ST6GALNAC5: variants seen among roughly 807,000 people sequenced by gnomAD.
ST6GALNAC5 encodes the protein alpha-N-acetylgalactosaminide alpha-2,6-sialyltransferase 5.
A neutral mutation model predicts 33.6 loss-of-function variants in ST6GALNAC5; 27 were observed. That is an observed-to-expected ratio of 0.80 (90% CI 0.59 to 1.11). ST6GALNAC5 has a LOEUF of 1.11. Among genes scored for constraint, ST6GALNAC5 ranks in the 50% least tolerant of loss-of-function variants. ST6GALNAC5 has a pLI of 0.00. For missense variants in ST6GALNAC5, 428 were observed against 454.0 expected, an observed-to-expected ratio of 0.94 and a Z score of 0.52; for synonymous variants, 194 against 171.2, an observed-to-expected ratio of 1.13 and a Z score of -1.04.
At chr1:76,992,905 G>T (rs1398482631) in intron 2 of ST6GALNAC5, among the ~76,000 whole-genome samples, 2 of 152,168 alleles carry the variant, frequency 1.3e-5, no homozygotes, top group Admixed American at 6.6e-5. Context: ...TAGAGACAAA[G>T]TATGTCCACT....
chr1:76,943,541 G>A (rs1647407384), intron 2 of ST6GALNAC5, among the ~76,000 whole-genome samples: 1 of 152,068 alleles, frequency 6.6e-6, no homozygotes, highest in Non-Finnish European at 1.5e-5. Context: ...ACATTTACGT[G>A]AGTTAAGAGT....
chr1:77,039,622 T>G (rs892334816), intron 2 of ST6GALNAC5, among the ~76,000 whole-genome samples: 1 of 152,224 alleles, frequency 6.6e-6, no homozygotes. Flanking sequence ...TATTCATCCA[T>G]CTATTCAGTA....
chr1:76,881,465 C>T lies in ST6GALNAC5; in HGVS notation c.261+12723C>T, dbSNP rs112022268. 5.8e-3 allele frequency among the ~76,000 whole-genome samples: 880 copies of T among 152,326 alleles called. 9 individuals are homozygous for T. Among genetic ancestry groups the T allele is most frequent in the African/African-American group, 0.02 (842 of 41,570 alleles). On this transcript the variant is annotated intron_variant, in intron 2 of 4. Coordinates refer to ENST00000477717, the MANE Select transcript of ST6GALNAC5 (RefSeq NM_030965.3). ...TGAGCTGTATGTTTTGTCTTCATAGCTGAGATCCCATGACAATACTTATTC... is the reference window on the plus strand; with the variant it reads ...TGAGCTGTATGTTTTGTCTTCATAGTTGAGATCCCATGACAATACTTATTC...
intron 2 of ST6GALNAC5, among the ~76,000 whole-genome samples, chr1:76,880,555 G>A (rs964289831): frequency 3.9e-5 from 6 of 152,160 alleles, no homozygotes; most frequent in Non-Finnish European, 2.9e-5. Flanking sequence ...GAGCCAGTCC[G>A]AGTCTCAAAA....
chr1:76,947,786 A>C (rs1044993288), intron 2 of ST6GALNAC5, among the ~76,000 whole-genome samples: 1 of 152,080 alleles, frequency 6.6e-6, no homozygotes, highest in African/African-American at 2.4e-5. Context: ...GAAACTTTTA[A>C]AGCAGAAGAG....
intron 2 of ST6GALNAC5, 110 bp from the exon 3 acceptor site, chr1:77,044,094 G>C: frequency 8.4e-7 from 1 of 1,186,008 alleles, no homozygotes; most frequent in Non-Finnish European, 1.2e-6. Context: ...ATGATGGGGA[G>C]GAGAGAAGAG....
intron 2 of ST6GALNAC5, among the ~76,000 whole-genome samples, chr1:76,992,240 G>A (rs1233151572): frequency 6.6e-6 from 1 of 152,050 alleles, no homozygotes; most frequent in East Asian, 1.9e-4. Context: ...ATGTCTTTTA[G>A]CTCTATGCTC....
chr1:77,062,388 G>A (rs563370849), intron 4 of ST6GALNAC5, among the ~76,000 whole-genome samples: 1 of 152,312 alleles, frequency 6.6e-6, no homozygotes, highest in East Asian at 1.9e-4. Context: ...TGAACTCAGA[G>A]AGGGTATTCC....
rs545798162 is a variant in ST6GALNAC5, at chr1:76,982,921, C to T, written c.262-61283C>T. Among the ~76,000 whole-genome samples the T allele has an allele frequency of 9.6e-4, 146 of 151,920 alleles. 2 individuals carry two copies. Among genetic ancestry groups the T allele is most frequent in the Admixed American group, 4.3e-3 (65 of 15,278 alleles). ...ATATCCAGCCAAACAAAGCTTCATA[C>T]GTGAAGGAGAAATAAAATCCTTTAC... On this transcript the variant is annotated intron_variant, in intron 2 of 4. Coordinates refer to ENST00000477717, the MANE Select transcript of ST6GALNAC5 (RefSeq NM_030965.3).
At chr1:76,886,027 C>CCTTT (rs1653885338) in intron 2 of ST6GALNAC5, among the ~76,000 whole-genome samples, 1 of 152,206 alleles carries the variant, frequency 6.6e-6, no homozygotes, top group African/African-American at 2.4e-5. Flanking sequence ...TGTACATATG[C>CCTTT]AGCCTCACGT....
At chr1:76,889,484 A>C (rs1653968328) in intron 2 of ST6GALNAC5, among the ~76,000 whole-genome samples, 1 of 152,072 alleles carries the variant, frequency 6.6e-6, no homozygotes, top group South Asian at 2.1e-4. Flanking sequence ...ACTTTCTTTG[A>C]AAATATCTTT....
At chr1:76,878,651 C>A (rs1457640799) in intron 2 of ST6GALNAC5, among the ~76,000 whole-genome samples, 1 of 152,148 alleles carries the variant, frequency 6.6e-6, no homozygotes, top group Non-Finnish European at 1.5e-5. Flanking sequence ...GATCCAGGCT[C>A]CCCTTCATTC....
At chr1:77,009,246 A>G (rs1009857234) in intron 2 of ST6GALNAC5, among the ~76,000 whole-genome samples, 5 of 152,188 alleles carry the variant, frequency 3.3e-5, no homozygotes, top group African/African-American at 1.2e-4. Context: ...AATTGATTGA[A>G]TCTTGTATTT....
chr1:76,901,622 G>T (rs550245686), intron 2 of ST6GALNAC5, among the ~76,000 whole-genome samples: 1 of 152,130 alleles, frequency 6.6e-6, no homozygotes. Flanking sequence ...GGCCTTTTGC[G>T]TGAGAAATGT....
At chr1:76,893,277 T>C (rs1654051919) in intron 2 of ST6GALNAC5, among the ~76,000 whole-genome samples, 1 of 152,146 alleles carries the variant, frequency 6.6e-6, no homozygotes, top group Non-Finnish European at 1.5e-5. Context: ...GGATTTCATA[T>C]GTCATACCAG....
chr1:77,005,397 C>A (rs1191911763), intron 2 of ST6GALNAC5, among the ~76,000 whole-genome samples: 1 of 152,184 alleles, frequency 6.6e-6, no homozygotes, highest in African/African-American at 2.4e-5. Flanking sequence ...TCTGGCACTC[C>A]CTAGTGAGAT....
chr1:76,945,360 C>T (rs762275450), intron 2 of ST6GALNAC5, among the ~76,000 whole-genome samples: 34 of 151,794 alleles, frequency 2.2e-4, no homozygotes, highest in Non-Finnish European at 3.2e-4. Flanking sequence ...ATAGTAGGAA[C>T]GCAATAAAAC....
Position 76,868,634 on chromosome 1 carries a change from G to T in ST6GALNAC5, c.153G>T (p.Ser51=). 6.2e-7 allele frequency: 1 copy of T among 1,608,596 alleles called. No homozygotes were observed. Among genetic ancestry groups the T allele is most frequent in the Non-Finnish European group, 8.5e-7 (1 of 1,177,576 alleles). ...AGCAGCAACAGCAGCAGCAGGCGTC[G>T]GCCACCGGCAGCTCGCAGCCGGCGG... ...QQQQQQQQQA[S]ATGSSQPAAE... Residue 51 remains serine, a synonymous_variant, in exon 2 of 5, where the codon TCG becomes TCT. Coordinates refer to ENST00000477717, the MANE Select transcript of ST6GALNAC5 (RefSeq NM_030965.3). The surrounding 1 kb of genome is among the most constrained non-coding windows in gnomAD (Gnocchi z 4.3).
intron 2 of ST6GALNAC5, among the ~76,000 whole-genome samples, chr1:76,900,528 A>C (rs1646807741): frequency 6.6e-6 from 1 of 152,226 alleles, no homozygotes; most frequent in Non-Finnish European, 1.5e-5. Flanking sequence ...TGCAAAATAA[A>C]ATGTTTATCA....
Sources: allele counts gnomAD v4.1 joint callset (sites outside exome capture counted in the v4.1 genomes callset), GRCh38; gene constraint gnomAD v4.1.1; non-coding constraint Gnocchi (gnomAD v3.1); transcripts MANE v1.5; gene names NCBI Gene and HGNC (gene_info 2026-07-23, HGNC 2026-07-21).